CALN1: variants seen among roughly 807,000 people sequenced by gnomAD.
CALN1 encodes calneuron 1, also known as calcium-binding protein 8.
A neutral mutation model predicts 30.6 loss-of-function variants in CALN1; 17 were observed. The observed-to-expected ratio is 0.56, with a 90% confidence interval of 0.38 to 0.83. The LOEUF (loss-of-function observed/expected upper bound fraction) is 0.83, where lower values mean the gene tolerates loss of function less well. CALN1 is among the 40% of genes least tolerant of loss of function. The pLI is 0.00. For synonymous variants in CALN1, 156 were observed against 131.4 expected, an observed-to-expected ratio of 1.19 and a Z score of -1.28; for missense variants, 291 against 354.9, an observed-to-expected ratio of 0.82 and a Z score of 1.45.
chr7:72,327,054 T>A (rs1451981408), intron 2 of CALN1, among the ~76,000 whole-genome samples: 1 of 152,228 alleles, frequency 6.6e-6, no homozygotes, highest in Non-Finnish European at 1.5e-5. Flanking sequence ...AATCCAACAC[T>A]ATTCAGTCAT....
At chr7:72,011,588 G>A (rs761763716) in intron 5 of CALN1, among the ~76,000 whole-genome samples, 3 of 152,154 alleles carry the variant, frequency 2.0e-5, no homozygotes, top group Non-Finnish European at 2.9e-5. Context: ...TGCCTGTCTC[G>A]CTCCTTTCTC....
At chr7:71,991,029 G>C (rs1798920994) in intron 5 of CALN1, among the ~76,000 whole-genome samples, 1 of 145,670 alleles carries the variant, frequency 6.9e-6, no homozygotes, top group Non-Finnish European at 1.5e-5. Flanking sequence ...AATTCAGATG[G>C]AAAAGGTATG....
intron 5 of CALN1, among the ~76,000 whole-genome samples, chr7:71,888,847 G>C (rs992641051): frequency 2.0e-5 from 3 of 152,142 alleles, no homozygotes; most frequent in Non-Finnish European, 2.9e-5. Context: ...GGGTGCTTTG[G>C]GCAGAAGGAG....
Position 71,779,718 on chromosome 7 carries a change from ATTC to A in CALN1, c.*8054_*8056del, listed in dbSNP as rs1379022870. 1 of 152,192 alleles carries A rather than the reference ATTC, an allele frequency of 6.6e-6. No individual in the cohort carries two copies. The highest frequency in any genetic ancestry group is 1.5e-5 in the Non-Finnish European group (1 of 68,036). The allele number at this position is 152,192 out of a possible 1,614,324, so 9.4% of individuals were successfully genotyped here. On this transcript the variant is annotated 3_prime_UTR_variant, in exon 7 of 7. Transcript: ENST00000395275. ...ATTAATATGTACATTTTATATAAAG[ATTC>A]TTTTTTGACTAGTCTGCTGACTTTC...
chr7:72,484,992 A>T, the CALN1 span, among the ~76,000 whole-genome samples: 1 of 152,082 alleles, frequency 6.6e-6, no homozygotes. Flanking sequence ...TACTTTCTTG[A>T]ATGGGAGAGA....
chr7:72,348,308 T>TGCAACTGCCCA (rs766018462), intron 2 of CALN1, among the ~76,000 whole-genome samples: 3 of 152,184 alleles, frequency 2.0e-5, no homozygotes, highest in Non-Finnish European at 4.4e-5. Context: ...ACGTGTGTCC[T>TGCAACTGCCCA]GCAACTGCCC....
chr7:72,140,771 A>G (rs1809871141), intron 3 of CALN1, among the ~76,000 whole-genome samples: 1 of 152,194 alleles, frequency 6.6e-6, no homozygotes, highest in Non-Finnish European at 1.5e-5. Flanking sequence ...ACAACCTCCT[A>G]TCGGAGCTCA....
chr7:71,782,346 T>C lies in CALN1; in HGVS notation c.*5429A>G, dbSNP rs1345817914. ...CTTCTCCTCTCTCTTGCTCCTGTTC[T>C]TGCTGTGTGACGTGCCTGCTCCCCC... is the stretch of plus-strand genomic sequence containing the variant. On this transcript the variant is annotated 3_prime_UTR_variant, in exon 7 of 7. Transcript: ENST00000395275. 1 of 152,210 alleles carries C rather than the reference T, an allele frequency of 6.6e-6. No individual in the cohort carries two copies. The highest frequency in any genetic ancestry group is 1.5e-5 in the Non-Finnish European group (1 of 68,044). 9.4% of individuals were successfully genotyped at this position (152,210 alleles called of 1,614,324 possible). A position where few individuals can be genotyped will look rare whatever the true frequency, so the allele number is the denominator to read the frequency against.
the CALN1 span, among the ~76,000 whole-genome samples, chr7:72,499,826 C>CTTCTTTCTTTCTTTCTTTCT: frequency 1.9e-5 from 1 of 53,298 alleles, no homozygotes; most frequent in Admixed American, 2.0e-4. Context: ...TCCTTCCTTC[C>CTTCTTTCTTTCTTTCTTTCT]TTCTTTCTTT....
At chr7:72,359,743 A>G (rs1803448960) in intron 2 of CALN1, among the ~76,000 whole-genome samples, 1 of 152,084 alleles carries the variant, frequency 6.6e-6, no homozygotes, top group African/African-American at 2.4e-5. Flanking sequence ...TGGGAGGCTG[A>G]GGCGAGAGGA....
At chr7:71,878,578 G>A (rs767707464) in intron 5 of CALN1, among the ~76,000 whole-genome samples, 17 of 152,094 alleles carry the variant, frequency 1.1e-4, no homozygotes, top group Admixed American at 2.0e-4. Context: ...CCTAAAAGCC[G>A]GAGGAGAAGG....
intron 3 of CALN1, among the ~76,000 whole-genome samples, chr7:72,111,749 CTTTCT>C (rs1379081198): frequency 7.0e-6 from 1 of 143,702 alleles, no homozygotes. Context: ...ACTCTTTTTT[CTTTCT>C]TTTTTTTTTT....
chr7:72,029,711 A>C (rs182414885), intron 4 of CALN1, among the ~76,000 whole-genome samples: 139 of 152,324 alleles, frequency 9.1e-4, no homozygotes, highest in Middle Eastern at 3.4e-3. Flanking sequence ...GTTGGTGAAC[A>C]CATGGAGATG....
intron 4 of CALN1, among the ~76,000 whole-genome samples, chr7:72,027,805 C>A (rs576169513): frequency 6.9e-4 from 104 of 151,544 alleles, no homozygotes; most frequent in Non-Finnish European, 1.1e-3. Context: ...CGCCTGTAAT[C>A]CCAGCACTTT....
chr7:72,291,774 G>A (rs754987833), intron 2 of CALN1, among the ~76,000 whole-genome samples: 19 of 152,184 alleles, frequency 1.2e-4, no homozygotes, highest in Non-Finnish European at 2.2e-4. Context: ...CACAATGCCC[G>A]GCTAATTTTT....
chr7:72,249,734 C>T lies in CALN1; in HGVS notation c.244+28952G>A, dbSNP rs377665852. ...GGCAGATCACTTGAGGTCAGGAGTT[C>T]GAGACCAGCCTTGTCAACATGGCTA... On this transcript the variant is annotated intron_variant, in intron 3 of 6. Transcript: ENST00000395275. Among the ~76,000 whole-genome samples the T allele has an allele frequency of 1.3e-3, 198 of 151,616 alleles. 1 individual carries two copies. In the Middle Eastern group the frequency reaches 0.014, roughly 10 times the overall value.
At chr7:72,026,583 T>TG (rs560626948) in intron 4 of CALN1, among the ~76,000 whole-genome samples, 3,917 of 150,158 alleles carry the variant, frequency 0.026, 80 homozygotes, top group Middle Eastern at 0.079. Flanking sequence ...AGACTCTGTC[T>TG]GGGGAAAAAA....
intron 3 of CALN1, among the ~76,000 whole-genome samples, chr7:72,198,060 T>C (rs984668970): frequency 2.6e-5 from 4 of 152,284 alleles, no homozygotes; most frequent in Admixed American, 1.3e-4. Flanking sequence ...CCTGATATAT[T>C]AAATATAAGA....
At chr7:71,927,071 G>A (rs1446548010) in intron 5 of CALN1, among the ~76,000 whole-genome samples, 2 of 152,180 alleles carry the variant, frequency 1.3e-5, no homozygotes, top group African/African-American at 2.4e-5. Context: ...CATGAACACT[G>A]TGAGGTATGA....
Sources: allele counts gnomAD v4.1 joint callset (sites outside exome capture counted in the v4.1 genomes callset), GRCh38; gene constraint gnomAD v4.1.1; transcripts MANE v1.5; gene names NCBI Gene and HGNC (gene_info 2026-07-23, HGNC 2026-07-21).